Variants in PCBP3 observed in about 807,000 individuals in gnomAD.
PCBP3 encodes the protein poly(rC) binding protein 3, also known as poly(rC)-binding protein 3.
PCBP3 carries 25 observed loss-of-function variants against 52.7 expected under a neutral mutation model. The observed-to-expected ratio is 0.47, with a 90% CI of 0.35 to 0.66. PCBP3 has a LOEUF of 0.66. Among genes scored for constraint, PCBP3 ranks in the 30% least tolerant of loss-of-function variants. The pLI is 0.01. For synonymous variants in PCBP3, 162 were observed against 183.0 expected, an observed-to-expected ratio of 0.89 and a Z score of 0.93; for missense variants, 391 against 490.3, an observed-to-expected ratio of 0.80 and a Z score of 1.91.
At position 45,928,313 on chromosome 21, in the gene PCBP3, C is replaced by T. The variant is rs770086523; in HGVS notation, c.718-1604C>T. The stretch of plus-strand genomic sequence containing the variant: ...CCGTTCACGTTACATCATGGGGCAG[C>T]GCAGATGCCACAATGCCCTGCCCCC... On this transcript the variant is annotated intron_variant, in intron 13 of 17. Transcript: ENST00000681687. The surrounding 1 kb of genome is among the most constrained non-coding windows in gnomAD (Gnocchi z 4.1). 8.5e-5 allele frequency among the ~76,000 whole-genome samples: 13 copies of T among 152,224 alleles called. No individual in the cohort carries two copies. Among genetic ancestry groups the T allele is most frequent in the African/African-American group, 1.2e-4 (5 of 41,468 alleles).
intron 4 of PCBP3, among the ~76,000 whole-genome samples, chr21:45,810,075 G>A (rs975394652): frequency 6.6e-6 from 1 of 152,154 alleles, no homozygotes; most frequent in African/African-American, 2.4e-5. Flanking sequence ...ATTGAATTTT[G>A]TCAAATGCAT....
intron 1 of PCBP3, among the ~76,000 whole-genome samples, chr21:45,666,788 C>T (rs998944855): frequency 4.0e-5 from 6 of 151,072 alleles, no homozygotes; most frequent in Admixed American, 6.6e-5. Context: ...TGTGTAATAG[C>T]GCGATCTCAG....
intron 11 of PCBP3, 81 bp from the exon 12 acceptor site, chr21:45,913,870 G>T (rs562678448): frequency 1.4e-4 from 182 of 1,319,186 alleles, no homozygotes; most frequent in Non-Finnish European, 1.9e-4. Flanking sequence ...GCTGAGTGGG[G>T]TGGGCCGGGG....
chr21:45,712,242 T>C (rs2083888640), intron 2 of PCBP3, among the ~76,000 whole-genome samples: 1 of 152,214 alleles, frequency 6.6e-6, no homozygotes, highest in Non-Finnish European at 1.5e-5. Flanking sequence ...GATATAAGTT[T>C]TCAATTCATT....
intron 12 of PCBP3, 109 bp downstream of exon 12, chr21:45,914,134 T>C (rs753623770): frequency 1.9e-6 from 3 of 1,561,394 alleles, no homozygotes; most frequent in South Asian, 2.3e-5. Flanking sequence ...CACGTGCACG[T>C]CTCCCACCCG....
intron 2 of PCBP3, among the ~76,000 whole-genome samples, chr21:45,694,635 C>T (rs1343598147): frequency 3.3e-5 from 5 of 152,120 alleles, no homozygotes. Context: ...CTTTACATGG[C>T]ATTACACTGA....
At chr21:45,822,359 A>T (rs531876999) in intron 4 of PCBP3, among the ~76,000 whole-genome samples, 8 of 152,278 alleles carry the variant, frequency 5.3e-5, no homozygotes, top group African/African-American at 1.9e-4. Flanking sequence ...TAAATGTTTC[A>T]TGGTTAAAAC....
intron 15 of PCBP3, among the ~76,000 whole-genome samples, chr21:45,931,292 G>A (rs1231346048): frequency 6.6e-6 from 1 of 152,216 alleles, no homozygotes; most frequent in Non-Finnish European, 1.5e-5. Flanking sequence ...GTTTGCCTGG[G>A]GCTTAGCAGG....
chr21:45,929,847 C>A, intron 13 of PCBP3, 70 bp from the exon 14 acceptor site: 1 of 1,132,336 alleles, frequency 8.8e-7, no homozygotes, highest in Non-Finnish European at 1.3e-6. Flanking sequence ...CTGTTACTGC[C>A]GTTTTAATTT....
chr21:45,730,669 A>C (rs951557422), intron 2 of PCBP3, among the ~76,000 whole-genome samples: 7 of 152,114 alleles, frequency 4.6e-5, no homozygotes, highest in Non-Finnish European at 1.0e-4. Flanking sequence ...GGATTTATCT[A>C]TTTGGTGGGG....
intron 4 of PCBP3, among the ~76,000 whole-genome samples, chr21:45,812,472 C>G (rs1193454999): frequency 6.6e-6 from 1 of 152,202 alleles, no homozygotes; most frequent in Non-Finnish European, 1.5e-5. Flanking sequence ...GTGGTGCCAT[C>G]TCGGCTCACT....
At chr21:45,810,245 T>TGA (rs775748895) in intron 4 of PCBP3, among the ~76,000 whole-genome samples, 33 of 149,716 alleles carry the variant, frequency 2.2e-4, no homozygotes, top group South Asian at 2.1e-3. Context: ...TGTGTGTGTG[T>TGA]GAGAGAGTGT....
At chr21:45,744,524 T>C (rs2086685074) in intron 3 of PCBP3, among the ~76,000 whole-genome samples, 1 of 152,208 alleles carries the variant, frequency 6.6e-6, no homozygotes, top group South Asian at 2.1e-4. Context: ...TATCTGTTAC[T>C]GTGTTCCCTT....
intron 2 of PCBP3, among the ~76,000 whole-genome samples, chr21:45,687,504 TAAAC>T (rs1353668855): frequency 6.6e-6 from 1 of 151,776 alleles, no homozygotes; most frequent in Non-Finnish European, 1.5e-5. Flanking sequence ...ACAGATGAAA[TAAAC>T]AACAAACAAG....
chr21:45,809,459 C>G (rs1029382497), intron 4 of PCBP3, among the ~76,000 whole-genome samples: 1 of 152,056 alleles, frequency 6.6e-6, no homozygotes, highest in African/African-American at 2.4e-5. Context: ...GGTGTGCGAG[C>G]AAGAGGAGGA....
At chr21:45,795,218 A>C (rs568289800) in intron 4 of PCBP3, among the ~76,000 whole-genome samples, 6 of 152,192 alleles carry the variant, frequency 3.9e-5, no homozygotes, top group African/African-American at 1.2e-4. Context: ...AATCAAAGGG[A>C]CCAGAATGTC....
intron 3 of PCBP3, among the ~76,000 whole-genome samples, chr21:45,746,254 C>T (rs1376416866): frequency 2.3e-5 from 1 of 44,138 alleles, no homozygotes; most frequent in Non-Finnish European, 4.0e-5. Context: ...AGTCCATTGA[C>T]GTAGCGCACA....
rs1017513914 is a variant in PCBP3 at position 45,928,053 on chromosome 21, G to A, written c.718-1864G>A. On this transcript the variant is annotated intron_variant, in intron 13 of 17. Transcript: ENST00000681687. The surrounding 1 kb of genome is among the most constrained non-coding windows in gnomAD (Gnocchi z 4.1). ...GATCTTGCCTGCAGCTCTCCTACCC[G>A]GCCTGGGACACTTGCGGTCTTTCCT... Among the ~76,000 whole-genome samples the A allele has an allele frequency of 1.3e-5, 2 of 152,212 alleles. No individual in the cohort carries two copies. The highest frequency in any genetic ancestry group is 2.4e-5 in the African/African-American group (1 of 41,450).
intron 5 of PCBP3, among the ~76,000 whole-genome samples, chr21:45,892,040 G>A (rs2095677285): frequency 6.6e-6 from 1 of 152,184 alleles, no homozygotes; most frequent in Non-Finnish European, 1.5e-5. Context: ...GCAGCTGGAG[G>A]CTGGCCCACC....
Sources: allele counts gnomAD v4.1 joint callset (sites outside exome capture counted in the v4.1 genomes callset), GRCh38; gene constraint gnomAD v4.1.1; non-coding constraint Gnocchi (gnomAD v3.1); transcripts MANE v1.5; gene names NCBI Gene and HGNC (gene_info 2026-07-23, HGNC 2026-07-21).